Variants in ACCSL observed in about 807,000 individuals in gnomAD.
ACCSL encodes probable inactive 1-aminocyclopropane-1-carboxylate synthase-like protein 2.
In ACCSL, 55 loss-of-function variants were observed where a neutral mutation model predicts 61.7. The observed-to-expected ratio is 0.89, with a 90% confidence interval of 0.72 to 1.12. The LOEUF is 1.12. Ranked by LOEUF, ACCSL falls within the 50% of genes most tolerant of loss-of-function variation. ACCSL has a pLI of 0.00. For synonymous variants in ACCSL, 258 were observed against 264.3 expected (o/e 0.98, Z 0.23); for missense variants, 632 against 698.0 (o/e 0.91, Z 1.07).
chr11:44,028,208 G>A, the ACCSL span, among the ~76,000 whole-genome samples: 20 of 152,048 alleles, frequency 1.3e-4, no homozygotes, highest in South Asian at 3.7e-3. Context: ...ATTAAGATAA[G>A]TAAGATATGG....
chr11:43,966,440 G>GAAAAAAAAAAAAAAAAAAAAAAAAAAAA, the ACCSL span, among the ~76,000 whole-genome samples: 1 of 132,564 alleles, frequency 7.5e-6, no homozygotes, highest in African/African-American at 2.8e-5. Context: ...AAAAAAAAAA[G>GAAAAAAAAAAAAAAAAAAAAAAAAAAAA]AAAAAAAAAT....
the ACCSL span, among the ~76,000 whole-genome samples, chr11:43,994,278 G>A: frequency 5.3e-5 from 8 of 152,154 alleles, no homozygotes; most frequent in African/African-American, 1.7e-4. Context: ...AGGAAATATA[G>A]TCCTCACTGA....
chr11:43,968,384 A>T, the ACCSL span, among the ~76,000 whole-genome samples: 1 of 146,438 alleles, frequency 6.8e-6, no homozygotes, highest in Non-Finnish European at 1.5e-5. Flanking sequence ...CCCCGCAAGC[A>T]ATCTCTGTGC....
the ACCSL span, among the ~76,000 whole-genome samples, chr11:43,964,173 G>A: frequency 1.2e-3 from 188 of 152,272 alleles, no homozygotes; most frequent in African/African-American, 4.2e-3. Flanking sequence ...GGCCAGGCGC[G>A]GTGGCTCATG....
chr11:44,019,610 T>C, the ACCSL span, among the ~76,000 whole-genome samples: 1 of 152,222 alleles, frequency 6.6e-6, no homozygotes, highest in Non-Finnish European at 1.5e-5. Context: ...GTCTTGTTAT[T>C]ACTGAACTGT....
chr11:44,021,306 G>A, the ACCSL span, among the ~76,000 whole-genome samples: 1 of 152,036 alleles, frequency 6.6e-6, no homozygotes, highest in Admixed American at 6.5e-5. Context: ...TTTATTTATG[G>A]CCATTCTTGC....
the ACCSL span, among the ~76,000 whole-genome samples, chr11:43,956,833 G>GT: frequency 6.6e-6 from 1 of 152,058 alleles, no homozygotes; most frequent in Non-Finnish European, 1.5e-5. Flanking sequence ...AAAAATGCGA[G>GT]TCACAGATGC....
chr11:43,951,348 C>A, the ACCSL span, among the ~76,000 whole-genome samples: 2 of 152,168 alleles, frequency 1.3e-5, no homozygotes, highest in Non-Finnish European at 2.9e-5. Context: ...TGGAGCCAGG[C>A]TAGATGAATG....
intron 11 of ACCSL, among the ~76,000 whole-genome samples, chr11:44,057,621 G>A (rs551098489): frequency 6.6e-6 from 1 of 152,186 alleles, no homozygotes; most frequent in South Asian, 2.1e-4. Context: ...GCATCCCCAG[G>A]CACACATATA....
chr11:44,022,876 T>G, the ACCSL span, among the ~76,000 whole-genome samples: 1 of 144,700 alleles, frequency 6.9e-6, no homozygotes, highest in Admixed American at 6.9e-5. Flanking sequence ...GTTCCCTCCT[T>G]TTCTGTTTTT....
At chr11:43,984,593 A>G in the ACCSL span, among the ~76,000 whole-genome samples, 20,730 of 152,274 alleles carry the variant, frequency 0.14, 1,528 homozygotes, top group Non-Finnish European at 0.17. Context: ...AACCAGGCTC[A>G]GAATAAATTA....
At chr11:44,024,768 A>G in the ACCSL span, among the ~76,000 whole-genome samples, 1 of 152,024 alleles carries the variant, frequency 6.6e-6, no homozygotes, top group Non-Finnish European at 1.5e-5. Flanking sequence ...TGTTATATTC[A>G]TTATTGAAAG....
intron 8 of ACCSL, among the ~76,000 whole-genome samples, 192 bp from the exon 9 acceptor site, chr11:44,055,010 C>T (rs1952662431): frequency 6.6e-6 from 1 of 152,130 alleles, no homozygotes; most frequent in African/African-American, 2.4e-5. Flanking sequence ...TCTGATGTAC[C>T]ACCCCATCTA....
At chr11:43,947,417 C>T in the ACCSL span, among the ~76,000 whole-genome samples, 4 of 152,164 alleles carry the variant, frequency 2.6e-5, no homozygotes, top group East Asian at 1.9e-4. Context: ...GGGCTCAGCT[C>T]CTCCCTGTGC....
At chr11:43,992,795 C>T in the ACCSL span, among the ~76,000 whole-genome samples, 1 of 152,326 alleles carries the variant, frequency 6.6e-6, no homozygotes, top group Non-Finnish European at 1.5e-5. Context: ...AACAAATAGA[C>T]CACGAAATGT....
chr11:44,011,209 C>CATCT, the ACCSL span, among the ~76,000 whole-genome samples: 1 of 152,158 alleles, frequency 6.6e-6, no homozygotes, highest in Admixed American at 6.5e-5. Context: ...CCCACCTGGA[C>CATCT]ATCTGCTCAA....
At chr11:44,057,463 A>G (rs564555943) in intron 11 of ACCSL, among the ~76,000 whole-genome samples, 1 of 152,272 alleles carries the variant, frequency 6.6e-6, no homozygotes, top group African/African-American at 2.4e-5. Context: ...CTAGTCCTCA[A>G]TCTTGGATGG....
At chr11:44,053,787 G>A (rs185988935) in intron 8 of ACCSL, among the ~76,000 whole-genome samples, 79 of 152,258 alleles carry the variant, frequency 5.2e-4, no homozygotes, top group African/African-American at 1.6e-3. Flanking sequence ...GCTTGAGCCC[G>A]GGAGGAGGAG....
the ACCSL span, among the ~76,000 whole-genome samples, chr11:44,034,460 T>C: frequency 2.6e-5 from 4 of 152,166 alleles, no homozygotes; most frequent in Admixed American, 6.5e-5. Context: ...GAGTAATTTA[T>C]AAAGAAAAAG....
Sources: allele counts gnomAD v4.1 joint callset (sites outside exome capture counted in the v4.1 genomes callset), GRCh38; gene constraint gnomAD v4.1.1; transcripts MANE v1.5; gene names NCBI Gene and HGNC (gene_info 2026-07-23, HGNC 2026-07-21).